CNTNAP4: variants seen among roughly 807,000 people sequenced by gnomAD.
CNTNAP4 encodes contactin-associated protein-like 4.
A neutral mutation model predicts 148.4 loss-of-function variants in CNTNAP4; 98 were observed. That is an observed-to-expected ratio of 0.66 (90% CI 0.56 to 0.78). The LOEUF (loss-of-function observed/expected upper bound fraction) is 0.78. Among genes scored for constraint, CNTNAP4 ranks in the 30% least tolerant of loss-of-function variants. The pLI is 0.00. For missense variants in CNTNAP4, 1,935 were observed against 1,565.6 expected (o/e 1.24, Z -3.98); for synonymous variants, 730 against 565.1 (o/e 1.29, Z -4.14).
chr16:76,283,559 C>G (rs1958770219), intron 1 of CNTNAP4, among the ~76,000 whole-genome samples: 2 of 151,952 alleles, frequency 1.3e-5, no homozygotes, highest in African/African-American at 4.8e-5. Context: ...AACAAGGGAA[C>G]AGAAAACCAA....
chr16:76,298,579 C>T (rs1166552003), intron 1 of CNTNAP4, among the ~76,000 whole-genome samples: 1 of 150,864 alleles, frequency 6.6e-6, no homozygotes, highest in Non-Finnish European at 1.5e-5. Context: ...TTCTAGGGTC[C>T]ACCCAAGCGG....
At chr16:76,415,454 T>G (rs913748298) in intron 3 of CNTNAP4, among the ~76,000 whole-genome samples, 1 of 151,070 alleles carries the variant, frequency 6.6e-6, no homozygotes, top group Non-Finnish European at 1.5e-5. Flanking sequence ...TGTAAAAATA[T>G]CTTTTTAGAA....
intron 17 of CNTNAP4, among the ~76,000 whole-genome samples, chr16:76,532,772 G>T (rs939956938): frequency 7.2e-5 from 11 of 152,124 alleles, no homozygotes; most frequent in Admixed American, 5.2e-4. Context: ...GACGCCAAAA[G>T]AATCCTGGCC....
chr16:76,403,822 T>C (rs1156835470), intron 3 of CNTNAP4, among the ~76,000 whole-genome samples: 1 of 152,170 alleles, frequency 6.6e-6, no homozygotes, highest in African/African-American at 2.4e-5. Context: ...ACAGACTGGA[T>C]AAAGAAAATA....
intron 15 of CNTNAP4, among the ~76,000 whole-genome samples, chr16:76,499,713 G>A (rs895818131): frequency 8.0e-5 from 12 of 149,848 alleles, no homozygotes; most frequent in Non-Finnish European, 1.5e-4. Context: ...GCTGCCTTCC[G>A]CAGTGTTTGT....
intron 3 of CNTNAP4, among the ~76,000 whole-genome samples, chr16:76,365,894 A>G (rs2014064315): frequency 6.6e-6 from 1 of 152,146 alleles, no homozygotes; most frequent in African/African-American, 2.4e-5. Flanking sequence ...TGGACAATGT[A>G]AAAGAAATAC....
At chr16:76,323,009 TG>T (rs1962589279) in intron 2 of CNTNAP4, among the ~76,000 whole-genome samples, 1 of 151,756 alleles carries the variant, frequency 6.6e-6, no homozygotes, top group African/African-American at 2.4e-5. Flanking sequence ...TAATTTTTTT[TG>T]TTGTTGTTGT....
At chr16:76,394,212 T>C (rs911868676) in intron 3 of CNTNAP4, among the ~76,000 whole-genome samples, 5 of 152,204 alleles carry the variant, frequency 3.3e-5, no homozygotes, top group African/African-American at 1.2e-4. Flanking sequence ...TGGTCAGGAA[T>C]GTTTATTTAT....
chr16:76,331,823 C>T (rs572728027), intron 2 of CNTNAP4, among the ~76,000 whole-genome samples: 169 of 152,280 alleles, frequency 1.1e-3, no homozygotes, highest in Non-Finnish European at 2.0e-3. Context: ...GTGTTCTTTA[C>T]GTGGCTTTGC....
At chr16:76,513,607 A>G (rs1165694687) in intron 15 of CNTNAP4, among the ~76,000 whole-genome samples, 4 of 152,338 alleles carry the variant, frequency 2.6e-5, no homozygotes, top group South Asian at 2.1e-4. Context: ...TGTATTTTCT[A>G]TACATGGAAA....
chr16:76,476,805 T>G (rs566785794), intron 11 of CNTNAP4, among the ~76,000 whole-genome samples: 35 of 152,192 alleles, frequency 2.3e-4, no homozygotes, highest in Non-Finnish European at 5.0e-4. Flanking sequence ...TACCACCATA[T>G]TGGGGACTAG....
chr16:76,537,885 T>G (rs1258831935), intron 18 of CNTNAP4, among the ~76,000 whole-genome samples: 2 of 152,122 alleles, frequency 1.3e-5, no homozygotes, highest in African/African-American at 4.8e-5. Context: ...AGCATTTAAC[T>G]TTCAACTGTA....
intron 3 of CNTNAP4, among the ~76,000 whole-genome samples, chr16:76,388,164 G>A (rs1485384961): frequency 6.6e-6 from 1 of 152,140 alleles, no homozygotes; most frequent in East Asian, 1.9e-4. Flanking sequence ...AGCCAGATCA[G>A]CATCTTGTGG....
chr16:76,442,147 G>A (rs1241123712), intron 4 of CNTNAP4, among the ~76,000 whole-genome samples: 1 of 152,134 alleles, frequency 6.6e-6, no homozygotes, highest in Non-Finnish European at 1.5e-5. Flanking sequence ...AAGGGAAGTA[G>A]GAGGCAGGGA....
intron 3 of CNTNAP4, among the ~76,000 whole-genome samples, chr16:76,418,932 T>A (rs2079082668): frequency 6.6e-6 from 1 of 152,050 alleles, no homozygotes; most frequent in Non-Finnish European, 1.5e-5. Flanking sequence ...ATGCACTTAT[T>A]TCTATTCCTC....
chr16:76,442,850 C>G (rs2080097654), intron 4 of CNTNAP4, among the ~76,000 whole-genome samples: 1 of 152,102 alleles, frequency 6.6e-6, no homozygotes, highest in South Asian at 2.1e-4. Context: ...GGAGACAAAC[C>G]ACATCCATAC....
intron 3 of CNTNAP4, among the ~76,000 whole-genome samples, chr16:76,395,432 A>AT (rs1420457680): frequency 1.9e-4 from 29 of 151,004 alleles, no homozygotes; most frequent in Admixed American, 7.2e-4. Context: ...CACTGGGCTA[A>AT]TTTTTTGTAT....
intron 14 of CNTNAP4, among the ~76,000 whole-genome samples, chr16:76,495,765 A>G (rs1390950256): frequency 6.6e-6 from 1 of 152,120 alleles, no homozygotes; most frequent in Non-Finnish European, 1.5e-5. Context: ...CGTATATGTT[A>G]CATTGCTAAG....
At chr16:76,316,272 C>T in intron 1 of CNTNAP4, 141 bp from the exon 2 acceptor site, 1 of 711,890 alleles carries the variant, frequency 1.4e-6, no homozygotes, top group Non-Finnish European at 2.6e-6. Context: ...CTAGTAAGCC[C>T]TGGAAGTAGT....
Sources: gnomAD v4.1 joint callset for allele counts (sites outside exome capture counted in the v4.1 genomes callset) on GRCh38, gnomAD v4.1.1 for gene constraint, MANE v1.5 for transcripts, NCBI Gene and HGNC (gene_info 2026-07-23, HGNC 2026-07-21) for gene names.